The following DDIT4 variants were observed in gnomAD, a reference collection of about 807,000 sequenced individuals.
DDIT4 encodes DNA damage-inducible transcript 4 protein.
A neutral mutation model predicts 20.2 loss-of-function variants in DDIT4; 20 were observed. The ratio of observed to expected loss-of-function variants is 0.99; its 90% CI spans 0.70 to 1.44. DDIT4 has a LOEUF of 1.44. Among genes scored for constraint, DDIT4 ranks in the 40% most tolerant of loss-of-function variants. DDIT4 has a pLI of 0.00. For synonymous variants in DDIT4, 152 were observed against 144.6 expected (o/e 1.05, Z -0.37); for missense variants, 316 against 298.1 (o/e 1.06, Z -0.44).
chr10:72,273,998 C>T lies in DDIT4; in HGVS notation c.-123C>T, dbSNP rs906450649. 17 of 488,526 alleles carry T rather than the reference C, an allele frequency of 3.5e-5. No homozygotes were observed. The highest frequency in any genetic ancestry group is 4.8e-5 in the Non-Finnish European group (13 of 273,128). The allele number at this position is 488,526 out of a possible 1,614,324, so 30.3% of individuals were successfully genotyped here. A position where few individuals can be genotyped will look rare whatever the true frequency, so the allele number is the denominator to read the frequency against. ...CGGCTCTCGGTGGTTGGCACGGGTT[C>T]GCACACCCATTCAAGCGGCAGGACG... is the stretch of plus-strand genomic sequence containing the variant. On this transcript the variant is annotated 5_prime_UTR_variant, in exon 1 of 3. Transcript: ENST00000307365.
chr10:72,274,692 C>T lies in DDIT4; in HGVS notation c.206-3C>T. The T allele has an allele frequency of 6.2e-7, 1 of 1,604,852 alleles. No individual in the cohort carries two copies. On this transcript the variant is annotated splice_region_variant and splice_polypyrimidine_tract_variant and intron_variant, in intron 2 of 2. Coordinates refer to ENST00000307365, the MANE Select transcript of DDIT4 (RefSeq NM_019058.4). ...ACCCCTTCCTGTGTGCTCTCCTTTC[C>T]AGACACGGCTTACCTGGATGGGGTG...
intron 2 of DDIT4, 58 bp from the exon 3 acceptor site, chr10:72,274,637 C>T (rs1326901278): frequency 6.5e-7 from 1 of 1,538,596 alleles, no homozygotes; most frequent in Non-Finnish European, 8.7e-7. Context: ...CCTCCCCCGC[C>T]TGTGCGTTTC....
Position 72,274,734 on chromosome 10 carries a change from A to C in DDIT4, c.245A>C (p.Glu82Ala). ...YLDGVSLPDF[E>A]LLSDPEDEHL... ...GATGGGGTGTCGTTGCCCGACTTCGAGCTGCTCAGTGACCCTGAGGATGAA... is the reference window on the plus strand; with the variant it reads ...GATGGGGTGTCGTTGCCCGACTTCGCGCTGCTCAGTGACCCTGAGGATGAA... Residue 82 changes from glutamate (E) to alanine (A), a missense_variant, in exon 3 of 3, where the codon GAG (glutamate) becomes GCG (alanine). Physicochemically the swap from Glu to Ala is moderately radical, Grantham distance 107. Coordinates refer to ENST00000307365, the MANE Select transcript of DDIT4 (RefSeq NM_019058.4). 2 of 1,613,084 alleles carry C rather than the reference A, an allele frequency of 1.2e-6. No individual in the cohort carries two copies. The highest frequency in any genetic ancestry group is 1.7e-4 in the Middle Eastern group (1 of 6,060).
At position 72,274,683 on chromosome 10, in the gene DDIT4, T is replaced by C; in HGVS notation, c.206-12T>C. ...CGCTCTAATACCCCTTCCTGTGTGCTCTCCTTTCCAGACACGGCTTACCTG... is the reference window on the plus strand; with the variant it reads ...CGCTCTAATACCCCTTCCTGTGTGCCCTCCTTTCCAGACACGGCTTACCTG... On this transcript the variant is annotated splice_polypyrimidine_tract_variant and intron_variant, in intron 2 of 2. Coordinates refer to ENST00000307365, the MANE Select transcript of DDIT4 (RefSeq NM_019058.4). 6.3e-7 allele frequency: 1 copy of C among 1,599,872 alleles called. No homozygotes were observed. Among genetic ancestry groups the C allele is most frequent in the Non-Finnish European group, 8.5e-7 (1 of 1,171,520 alleles).
rs1291014156 is a variant in DDIT4 at position 72,274,713 on chromosome 10, G to A, written c.224G>A (p.Gly75Glu). 1 of 1,611,014 alleles carries A rather than the reference G, an allele frequency of 6.2e-7. No individual in the cohort carries two copies. The highest frequency in any genetic ancestry group is 2.2e-5 in the East Asian group (1 of 44,802). Residue 75 changes from glycine to glutamate, a missense_variant, in exon 3 of 3, where the codon GGG (glycine) becomes GAG (glutamate). Physicochemically the swap from Gly to Glu is moderately conservative, Grantham distance 98. Transcript: ENST00000307365. Reference protein sequence around the residue: ...GPEEDTAYLDGVSLPDFELLS... With the variant: ...GPEEDTAYLDEVSLPDFELLS... The stretch of plus-strand genomic sequence containing the variant: ...TTTCCAGACACGGCTTACCTGGATG[G>A]GGTGTCGTTGCCCGACTTCGAGCTG...
chr10:72,274,178 C>A lies in DDIT4; in HGVS notation c.-39C>A. On this transcript the variant is annotated 5_prime_UTR_variant, in exon 2 of 3. In the 5' UTR this introduces an upstream ATG that the reference lacks. Transcript: ENST00000307365. ...ACAGCGGCTTCTACGCTCCGGCACT[C>A]TGAGTTCATCAGCAAACGCCCTGGC... 2 of 1,534,868 alleles carry A rather than the reference C, an allele frequency of 1.3e-6. No individual in the cohort carries two copies. Among genetic ancestry groups the A allele is most frequent in the Non-Finnish European group, 9.0e-7 (1 of 1,109,530 alleles).
In DDIT4 at chr10:72,274,976, C is replaced by G; in HGVS notation, c.487C>G (p.Leu163Val). Residue 163 changes from leucine to valine, a missense_variant, in exon 3 of 3, where the codon CTG (leucine) becomes GTG (valine). Physicochemically the swap from Leu to Val is conservative, Grantham distance 32. Transcript: ENST00000307365. ...QGKSCHSVGQLALDPSLVPTF... is the reference protein window; with the variant it reads ...QGKSCHSVGQVALDPSLVPTF... Reference sequence around the variant, plus strand: ...CAAGAGCTGCCACAGCGTGGGCCAGCTGGCACTCGACCCCAGCCTGGTGCC... The same window carrying G: ...CAAGAGCTGCCACAGCGTGGGCCAGGTGGCACTCGACCCCAGCCTGGTGCC... 1 of 1,613,160 alleles carries G rather than the reference C, an allele frequency of 6.2e-7. No homozygotes were observed. Among genetic ancestry groups the G allele is most frequent in the Non-Finnish European group, 8.5e-7 (1 of 1,179,968 alleles).
chr10:72,274,607 G>T (rs1028745824), intron 2 of DDIT4, 88 bp from the exon 3 acceptor site: 2 of 1,487,556 alleles, frequency 1.3e-6, no homozygotes, highest in Non-Finnish European at 1.8e-6. Flanking sequence ...AAGGAGCGTT[G>T]GTTTCTTAAG....
chr10:72,274,938 G>A lies in DDIT4; in HGVS notation c.449G>A (p.Cys150Tyr), dbSNP rs1860809862. 6.2e-7 allele frequency: 1 copy of A among 1,612,494 alleles called. No homozygotes were observed. Among genetic ancestry groups the A allele is most frequent in the East Asian group, 2.2e-5 (1 of 44,864 alleles). ...CTGCGGGGGGCGCTGCTGGACGTCT[G>A]CGTGGAGCAGGGCAAGAGCTGCCAC... is the stretch of plus-strand genomic sequence containing the variant. Reference protein sequence around the residue: ...CGLRGALLDVCVEQGKSCHSV... With the variant: ...CGLRGALLDVYVEQGKSCHSV... Residue 150 changes from cysteine (C) to tyrosine (Y), a missense_variant, in exon 3 of 3, where the codon TGC becomes TAC. Transcript: ENST00000307365.
rs779304073 is a variant in DDIT4 at position 72,274,965 on chromosome 10, G to C, written c.476G>C (p.Ser159Thr). Residue 159 changes from serine (S) to threonine (T), a missense_variant, in exon 3 of 3, where the codon AGC becomes ACC. Physicochemically the swap from Ser to Thr is moderately conservative, Grantham distance 58. Coordinates refer to ENST00000307365, the MANE Select transcript of DDIT4 (RefSeq NM_019058.4). ...VCVEQGKSCH[S>T]VGQLALDPSL... ...GTGGAGCAGGGCAAGAGCTGCCACA[G>C]CGTGGGCCAGCTGGCACTCGACCCC... 1 of 1,613,010 alleles carries C rather than the reference G, an allele frequency of 6.2e-7. No individual in the cohort carries two copies. The highest frequency in any genetic ancestry group is 8.5e-7 in the Non-Finnish European group (1 of 1,179,952).
At position 72,274,018 on chromosome 10, in the gene DDIT4, A is replaced by T. The variant is rs1860794643; in HGVS notation, c.-103A>T. 3 of 583,920 alleles carry T rather than the reference A, an allele frequency of 5.1e-6. No individual in the cohort carries two copies. Among genetic ancestry groups the T allele is most frequent in the African/African-American group, 1.9e-5 (1 of 53,334 alleles). The allele number at this position is 583,920 out of a possible 1,614,324, so 36.2% of individuals were successfully genotyped here. A position where few individuals can be genotyped will look rare whatever the true frequency, so the allele number is the denominator to read the frequency against. On this transcript the variant is annotated 5_prime_UTR_variant, in exon 1 of 3. Transcript: ENST00000307365. ...GGGTTCGCACACCCATTCAAGCGGC[A>T]GGACGCACTTGTCTTAGCAGTTCTC...
rs750713110 is a variant in DDIT4, at chr10:72,275,064, T to C, written c.575T>C (p.Leu192Pro). The change falls in exon 3 of 3, where the codon CTG becomes CCG. Residue 192 changes from leucine (L) to proline (P), a missense_variant. Coordinates refer to ENST00000307365, the MANE Select transcript of DDIT4 (RefSeq NM_019058.4). ...DSRLWPKIQG[L>P]FSSANSPFLP... ...CGACTCTGGCCCAAGATCCAGGGGC[T>C]GTTTAGCTCCGCCAACTCTCCCTTC... 5 of 1,613,590 alleles carry C rather than the reference T, an allele frequency of 3.1e-6. No individual in the cohort carries two copies. Among genetic ancestry groups the C allele is most frequent in the Non-Finnish European group, 8.5e-7 (1 of 1,179,990 alleles).
rs1343592409 is a variant in DDIT4, at chr10:72,274,430, T to G, written c.205+9T>G. 4 of 1,545,862 alleles carry G rather than the reference T, an allele frequency of 2.6e-6. No individual in the cohort carries two copies. The highest frequency in any genetic ancestry group is 3.5e-6 in the Non-Finnish European group (4 of 1,149,824). ...CTTCGGGCCGGAGGAAGGTGAGCGG[T>G]GGGCGGGTGCCGACGCGACTCGAGG... is the stretch of plus-strand genomic sequence containing the variant. On this transcript the variant is annotated intron_variant, in intron 2 of 2. Coordinates refer to ENST00000307365, the MANE Select transcript of DDIT4 (RefSeq NM_019058.4).
In DDIT4 at chr10:72,274,895, T is replaced by C. The variant is rs375871600; in HGVS notation, c.406T>C (p.Tyr136His). The change falls in exon 3 of 3, where the codon TAC becomes CAC. Residue 136 changes from tyrosine (Y) to histidine (H), a missense_variant. Physicochemically the swap from Tyr to His is moderately conservative, Grantham distance 83. Transcript: ENST00000307365. ...QVGKELLRLAYSEPCGLRGAL... is the reference protein window; with the variant it reads ...QVGKELLRLAHSEPCGLRGAL... ...GGGCAAAGAACTACTGCGCCTGGCC[T>C]ACAGCGAGCCGTGCGGCCTGCGGGG... 3 of 1,612,880 alleles carry C rather than the reference T, an allele frequency of 1.9e-6. No homozygotes were observed. In the African/African-American group the frequency reaches 4.0e-5, roughly 22 times the overall value.
rs753013933 is a variant in DDIT4 at position 72,274,215 on chromosome 10, C to T, written c.-2C>T. The T allele has an allele frequency of 6.2e-7, 1 of 1,612,380 alleles. No homozygotes were observed. Among genetic ancestry groups the T allele is most frequent in the East Asian group, 2.2e-5 (1 of 44,882 alleles). On this transcript the variant is annotated 5_prime_UTR_variant, in exon 2 of 3. Transcript: ENST00000307365. Reference sequence around the variant, plus strand: ...GCAAACGCCCTGGCGTCTGTCCTCACCATGCCTAGCCTTTGGGACCGCTTC... The same window carrying T: ...GCAAACGCCCTGGCGTCTGTCCTCATCATGCCTAGCCTTTGGGACCGCTTC...
Position 72,275,084 on chromosome 10 carries a change from CCCTT to C in DDIT4, c.599_602del (p.Phe200SerfsTer8), listed in dbSNP as rs1860813323. The stretch of plus-strand genomic sequence containing the variant: ...GGGGCTGTTTAGCTCCGCCAACTCT[CCCTT>C]CCTCCCTGGCTTCAGCCAGTCCCTG... On this transcript the variant is annotated frameshift_variant, in exon 3 of 3. Coordinates refer to ENST00000307365, the MANE Select transcript of DDIT4 (RefSeq NM_019058.4). LOFTEE classifies it high-confidence loss of function. 1.9e-6 allele frequency: 3 copies of C among 1,613,498 alleles called. No homozygotes were observed. Among genetic ancestry groups the C allele is most frequent in the Non-Finnish European group, 2.5e-6 (3 of 1,179,992 alleles).
At position 72,275,385 on chromosome 10, in the gene DDIT4, C is replaced by T. The variant is rs545115692; in HGVS notation, c.*197C>T. On this transcript the variant is annotated 3_prime_UTR_variant, in exon 3 of 3. Coordinates refer to ENST00000307365, the MANE Select transcript of DDIT4 (RefSeq NM_019058.4). ...TGCGGGTGGCTGTGCATTGGGGACA[C>T]ATACCCCTCAGTACTGTAGCATGAA... The T allele has an allele frequency of 3.2e-6, 2 of 617,036 alleles. No individual in the cohort carries two copies. The highest frequency in any genetic ancestry group is 1.8e-5 in the African/African-American group (1 of 54,254). 38.2% of individuals were successfully genotyped at this position (617,036 alleles called of 1,614,324 possible).
chr10:72,274,598 AG>A, intron 2 of DDIT4, 96 bp from the exon 3 acceptor site: 1 of 1,477,022 alleles, frequency 6.8e-7, no homozygotes, highest in African/African-American at 1.4e-5. Context: ...CGGAGTGGGA[AG>A]GAGCGTTGGT....
intron 2 of DDIT4, 71 bp from the exon 3 acceptor site, chr10:72,274,624 G>A (rs943439404): frequency 1.8e-5 from 28 of 1,518,014 alleles, no homozygotes; most frequent in Non-Finnish European, 2.2e-5. Context: ...TAAGGAAACA[G>A]CACCTCCCCC....
Sources: allele counts gnomAD v4.1 joint callset, GRCh38; gene constraint gnomAD v4.1.1; transcripts MANE v1.5; gene names NCBI Gene and HGNC (gene_info 2026-07-23, HGNC 2026-07-21).